The following TM9SF4 variants were observed in gnomAD, a reference collection of about 807,000 sequenced individuals.
The protein encoded by TM9SF4 is dinucleotide oxidase disulfide thiol exchanger 3 superfamily member 4.
In TM9SF4, 26 loss-of-function variants were observed where a neutral mutation model predicts 90.4. The observed-to-expected ratio is 0.29, with a 90% CI of 0.21 to 0.40. The LOEUF (loss-of-function observed/expected upper bound fraction) is 0.40. TM9SF4 is among the 10% of genes least tolerant of loss of function. The pLI is 1.00. For missense variants in TM9SF4, 549 were observed against 834.8 expected (o/e 0.66, Z 4.22); for synonymous variants, 293 against 315.4 (o/e 0.93, Z 0.75).
At chr20:32,155,788 C>T (rs544628559) in intron 13 of TM9SF4, among the ~76,000 whole-genome samples, 3 of 152,290 alleles carry the variant, frequency 2.0e-5, no homozygotes, top group African/African-American at 4.8e-5. Context: ...AGCCTTAGCA[C>T]GTAGAGCCCT....
chr20:32,130,622 G>A (rs2046496405), intron 1 of TM9SF4, among the ~76,000 whole-genome samples: 1 of 152,172 alleles, frequency 6.6e-6, no homozygotes, highest in Admixed American at 6.5e-5. Flanking sequence ...CCTGCAGTTG[G>A]TAGGCTTTCC....
chr20:32,123,226 A>AGGGAGAGGGGGGGAG (rs1555882132), intron 1 of TM9SF4, among the ~76,000 whole-genome samples: 1 of 4,370 alleles, frequency 2.3e-4, no homozygotes, highest in Non-Finnish European at 5.7e-4. Flanking sequence ...GGAGGGGGAG[A>AGGGAGAGGGGGGGAG]GGGAGAGGGA....
chr20:32,136,261 A>G (rs530674626), intron 3 of TM9SF4, 88 bp downstream of exon 3: 212 of 1,281,178 alleles, frequency 1.7e-4, no homozygotes, highest in South Asian at 7.1e-4. Flanking sequence ...TAACTTTGCT[A>G]TATTCTAGAC....
At chr20:32,121,236 G>T (rs1456680719) in intron 1 of TM9SF4, among the ~76,000 whole-genome samples, 1 of 147,914 alleles carries the variant, frequency 6.8e-6, no homozygotes, top group Non-Finnish European at 1.5e-5. Flanking sequence ...ATCATTCTTG[G>T]GTGTTTCTCA....
intron 1 of TM9SF4, 149 bp from the exon 2 acceptor site, chr20:32,132,864 A>C (rs1420523887): frequency 3.3e-6 from 2 of 606,504 alleles, no homozygotes; most frequent in Non-Finnish European, 5.7e-6. Context: ...TTTGGGAGAG[A>C]ACATTTATGA....
At chr20:32,150,425 C>G (rs1159672630) in intron 10 of TM9SF4, among the ~76,000 whole-genome samples, 197 bp from the exon 11 acceptor site, 1 of 152,232 alleles carries the variant, frequency 6.6e-6, no homozygotes, top group Admixed American at 6.5e-5. Flanking sequence ...CCCCTCCGAA[C>G]CCCAACTAAG....
chr20:32,136,853 A>G (rs1355180486), intron 3 of TM9SF4: 3 of 471,176 alleles, frequency 6.4e-6, no homozygotes, highest in Admixed American at 4.7e-5. Flanking sequence ...GGAACTTAAG[A>G]GACTTTCTTT....
chr20:32,146,711 T>C lies in TM9SF4; in HGVS notation c.884-74T>C, dbSNP rs2046767798. 6.8e-6 allele frequency: 10 copies of C among 1,462,866 alleles called. No individual in the cohort carries two copies. The African/African-American group carries it at 8.4e-5, about 12-fold the overall frequency. 90.6% of individuals were successfully genotyped at this position (1,462,866 alleles called of 1,614,324 possible). ...CCAGCTGTCGCACAGTAAAACATCATGTCTAGGAGGGCATGGAGCATGGGC... is the reference window on the plus strand; with the variant it reads ...CCAGCTGTCGCACAGTAAAACATCACGTCTAGGAGGGCATGGAGCATGGGC... On this transcript the variant is annotated intron_variant, in intron 8 of 17. Transcript: ENST00000398022.
intron 14 of TM9SF4, among the ~76,000 whole-genome samples, 178 bp from the exon 15 acceptor site, chr20:32,158,273 G>A (rs1157889588): frequency 1.3e-5 from 2 of 152,086 alleles, no homozygotes; most frequent in African/African-American, 4.8e-5. Context: ...TATAAAATGA[G>A]GAGAATAATG....
At chr20:32,112,551 G>A (rs555003316) in intron 1 of TM9SF4, among the ~76,000 whole-genome samples, 1 of 151,972 alleles carries the variant, frequency 6.6e-6, no homozygotes, top group Non-Finnish European at 1.5e-5. Flanking sequence ...AAAATTAGCA[G>A]GGTGTGGTGG....
At chr20:32,133,969 G>A (rs2122378132) in intron 2 of TM9SF4, among the ~76,000 whole-genome samples, 1 of 148,936 alleles carries the variant, frequency 6.7e-6, no homozygotes, top group Admixed American at 6.7e-5. Flanking sequence ...ACCATGCCTG[G>A]CTAATTTTTT....
intron 8 of TM9SF4, 103 bp downstream of exon 8, chr20:32,145,526 G>T (rs2046751521): frequency 1.0e-6 from 1 of 1,004,328 alleles, no homozygotes; most frequent in Admixed American, 2.0e-5. Flanking sequence ...TGAGGGTCAG[G>T]CGTAGGTCAA....
chr20:32,110,094 C>T (rs935659885), intron 1 of TM9SF4: 15 of 1,181,238 alleles, frequency 1.3e-5, no homozygotes, highest in Middle Eastern at 3.5e-4. Context: ...TGAAGACCCC[C>T]TCCCGTTATT....
intron 12 of TM9SF4, 127 bp downstream of exon 12, chr20:32,151,002 G>A: frequency 8.9e-7 from 1 of 1,125,030 alleles, no homozygotes; most frequent in Non-Finnish European, 1.3e-6. Flanking sequence ...GCAAGACATA[G>A]CAGGAGCAGC....
At chr20:32,152,846 T>C (rs1252413300) in intron 12 of TM9SF4, among the ~76,000 whole-genome samples, 1 of 152,200 alleles carries the variant, frequency 6.6e-6, no homozygotes, top group Non-Finnish European at 1.5e-5. Context: ...AAGTAGCACT[T>C]GGCAGAGCTA....
chr20:32,143,074 C>A lies in TM9SF4; in HGVS notation c.621C>A (p.Phe207Leu), dbSNP rs775400117. 5 of 1,613,588 alleles carry A rather than the reference C, an allele frequency of 3.1e-6. No individual in the cohort carries two copies. In the Admixed American group the frequency reaches 6.7e-5, roughly 22 times the overall value. ...DQEHTYRVVR[F>L]EVIPQSIRLE... ...AGCACACGTACCGTGTCGTCCGCTT[C>A]GAGGTGATTCCCCAGAGCATCAGGC... The change falls in exon 6 of 18, where the codon TTC becomes TTA. Residue 207 changes from phenylalanine to leucine, a missense_variant. Physicochemically the swap from Phe to Leu is conservative, Grantham distance 22 (BLOSUM62 0). Coordinates refer to ENST00000398022, the MANE Select transcript of TM9SF4 (RefSeq NM_014742.4).
chr20:32,152,524 A>C (rs1600330844), intron 12 of TM9SF4, among the ~76,000 whole-genome samples: 3 of 146,910 alleles, frequency 2.0e-5, no homozygotes, highest in Admixed American at 6.8e-5. Context: ...ACCCCCTCCC[A>C]CCCCCATCTC....
At chr20:32,152,883 C>T (rs1600331461) in intron 12 of TM9SF4, among the ~76,000 whole-genome samples, 1 of 152,346 alleles carries the variant, frequency 6.6e-6, no homozygotes, top group Non-Finnish European at 1.5e-5. Context: ...TTGTTCTCTA[C>T]ATAGGGGTCT....
rs1201595274 is a variant in TM9SF4 at position 32,166,137 on chromosome 20, G to A, written c.*693G>A. 2 of 152,886 alleles carry A rather than the reference G, an allele frequency of 1.3e-5. No homozygotes were observed. Among genetic ancestry groups the A allele is most frequent in the Non-Finnish European group, 1.5e-5 (1 of 68,252 alleles). The allele number at this position is 152,886 out of a possible 1,614,324, so 9.5% of individuals were successfully genotyped here. ...AAGAAAATCCCCTGGAAGTACTGGGGGCCAGGTTCCCCAGACAGCAGGAAT... is the reference window on the plus strand; with the variant it reads ...AAGAAAATCCCCTGGAAGTACTGGGAGCCAGGTTCCCCAGACAGCAGGAAT... On this transcript the variant is annotated 3_prime_UTR_variant, in exon 18 of 18. Coordinates refer to ENST00000398022, the MANE Select transcript of TM9SF4 (RefSeq NM_014742.4).
Sources: gnomAD v4.1 joint callset for allele counts (sites outside exome capture counted in the v4.1 genomes callset) on GRCh38, gnomAD v4.1.1 for gene constraint, MANE v1.5 for transcripts, NCBI Gene and HGNC (gene_info 2026-07-23, HGNC 2026-07-21) for gene names.